Variants in SYN3 observed in about 807,000 individuals in gnomAD.
The protein encoded by SYN3 is synapsin III, also known as synapsin-3.
SYN3 carries 35 observed loss-of-function variants against 65.8 expected under a neutral mutation model. That is an observed-to-expected ratio of 0.53 (90% CI 0.41 to 0.70). SYN3 has a LOEUF of 0.70. Ranked by LOEUF, SYN3 falls within the 30% of genes least tolerant of loss-of-function variation. The probability of loss-of-function intolerance (pLI) is 0.00; values close to 1 mark genes in which losing one functional copy is unlikely to be tolerated. For missense variants in SYN3, 680 were observed against 749.0 expected (o/e 0.91, Z 1.08); for synonymous variants, 270 against 292.9 (o/e 0.92, Z 0.80).
rs117979692 is a variant in SYN3 at position 32,591,164 on chromosome 22, A to G, written c.774+5510T>C. Among the ~76,000 whole-genome samples the G allele has an allele frequency of 9.4e-3, 1,437 of 152,346 alleles. 39 individuals carry two copies. The East Asian group carries it at 0.11, about 12-fold the overall frequency. ...TCACAACTATTAGGTGGTGTGACCTAGATTCAAATAAACACCCTTAGCCAC... is the reference window on the plus strand; with the variant it reads ...TCACAACTATTAGGTGGTGTGACCTGGATTCAAATAAACACCCTTAGCCAC... On this transcript the variant is annotated intron_variant, in intron 7 of 13. Coordinates refer to ENST00000358763, the MANE Select transcript of SYN3 (RefSeq NM_003490.4).
rs144661797 is a variant in SYN3 at position 32,824,159 on chromosome 22, T to G, written c.711+40756A>C. Reference sequence around the variant, plus strand: ...CAGGTGTGGTGGCGCACATCTGAAGTCCCAGCTACTTGGGAGGCTGAGGCA... The same window carrying G: ...CAGGTGTGGTGGCGCACATCTGAAGGCCCAGCTACTTGGGAGGCTGAGGCA... On this transcript the variant is annotated intron_variant, in intron 6 of 13. Coordinates refer to ENST00000358763, the MANE Select transcript of SYN3 (RefSeq NM_003490.4). Among the ~76,000 whole-genome samples, 207 of 151,292 alleles carry G rather than the reference T, an allele frequency of 1.4e-3. No homozygotes were observed. In the Middle Eastern group the frequency reaches 0.021, roughly 15 times the overall value.
At chr22:33,024,561 T>C (rs1445773596) in intron 1 of SYN3, among the ~76,000 whole-genome samples, 2 of 152,236 alleles carry the variant, frequency 1.3e-5, no homozygotes, top group Non-Finnish European at 2.9e-5. Flanking sequence ...CAATCTTTGA[T>C]CTCACCCTTA....
chr22:32,938,532 A>G (rs2050841509), intron 3 of SYN3, among the ~76,000 whole-genome samples: 1 of 141,406 alleles, frequency 7.1e-6, no homozygotes, highest in Non-Finnish European at 1.5e-5. Flanking sequence ...TCTGTCTCAG[A>G]AAAAAAAAAA....
At chr22:32,831,621 G>A (rs576783642) in intron 6 of SYN3, among the ~76,000 whole-genome samples, 4 of 152,188 alleles carry the variant, frequency 2.6e-5, no homozygotes, top group South Asian at 2.1e-4. Flanking sequence ...TTATCTTCTC[G>A]GCATTCTTTA....
At position 32,821,995 on chromosome 22, in the gene SYN3, A is replaced by G. The variant is rs532053616; in HGVS notation, c.711+42920T>C. ...ACATGGAGAAACCCCATCTCTACTA[A>G]AAATACAAAATTAGCCGGGCGTGGT... On this transcript the variant is annotated intron_variant, in intron 6 of 13. Coordinates refer to ENST00000358763, the MANE Select transcript of SYN3 (RefSeq NM_003490.4). Among the ~76,000 whole-genome samples the G allele has an allele frequency of 3.9e-5, 6 of 152,152 alleles. No homozygotes were observed. The East Asian group carries it at 1.2e-3, about 29-fold the overall frequency.
At chr22:32,697,844 C>T (rs1177083165) in intron 6 of SYN3, among the ~76,000 whole-genome samples, 2 of 152,324 alleles carry the variant, frequency 1.3e-5, no homozygotes, top group Non-Finnish European at 1.5e-5. Flanking sequence ...CAAATACAGA[C>T]TTGAACAAGC....
intron 6 of SYN3, among the ~76,000 whole-genome samples, chr22:32,649,620 C>T (rs1020719157): frequency 6.6e-6 from 1 of 152,140 alleles, no homozygotes; most frequent in Non-Finnish European, 1.5e-5. Flanking sequence ...CGGAACACAA[C>T]AAAACTAGCT....
At chr22:33,024,679 G>T (rs1172560984) in intron 1 of SYN3, among the ~76,000 whole-genome samples, 1 of 152,094 alleles carries the variant, frequency 6.6e-6, no homozygotes, top group Non-Finnish European at 1.5e-5. Flanking sequence ...GGTTTGTCCT[G>T]GAATACAATA....
intron 6 of SYN3, among the ~76,000 whole-genome samples, chr22:32,833,459 C>A (rs1310692447): frequency 1.3e-5 from 2 of 152,150 alleles, no homozygotes; most frequent in Non-Finnish European, 2.9e-5. Context: ...ATGGAACAGG[C>A]TGACCTAGGT....
At chr22:32,687,459 G>A (rs1429072389) in intron 6 of SYN3, among the ~76,000 whole-genome samples, 3 of 151,770 alleles carry the variant, frequency 2.0e-5, no homozygotes, top group Non-Finnish European at 2.9e-5. Flanking sequence ...CACCACGCCC[G>A]GCCGGTCTCC....
At chr22:32,807,020 A>G (rs2046759945) in intron 6 of SYN3, among the ~76,000 whole-genome samples, 1 of 151,654 alleles carries the variant, frequency 6.6e-6, no homozygotes, top group African/African-American at 2.4e-5. Context: ...CCATTCAACA[A>G]TGCGTACTAG....
chr22:32,626,020 A>C (rs1601788233), intron 6 of SYN3, among the ~76,000 whole-genome samples: 1 of 152,154 alleles, frequency 6.6e-6, no homozygotes, highest in East Asian at 1.9e-4. Flanking sequence ...TTAAGGAAGG[A>C]GGAATCAGGA....
chr22:32,680,632 T>G (rs2060510377), intron 6 of SYN3, among the ~76,000 whole-genome samples: 1 of 152,234 alleles, frequency 6.6e-6, no homozygotes, highest in Non-Finnish European at 1.5e-5. Context: ...AAGGCAATCC[T>G]GTGTACTCAA....
chr22:33,007,609 G>A (rs1286551686), intron 1 of SYN3, among the ~76,000 whole-genome samples: 1 of 152,164 alleles, frequency 6.6e-6, no homozygotes, highest in Non-Finnish European at 1.5e-5. Context: ...TGCTTTCCCT[G>A]CACTGTGTGA....
In SYN3 at chr22:32,652,177, C is replaced by A. The variant is rs563686795; in HGVS notation, c.712-55441G>T. ...TAATTAAATTGGGTCTATCAACAAC[C>A]AACTTCTGCCATCTCCTCCCCGCTA... On this transcript the variant is annotated intron_variant, in intron 6 of 13. Coordinates refer to ENST00000358763, the MANE Select transcript of SYN3 (RefSeq NM_003490.4). 3.9e-5 allele frequency among the ~76,000 whole-genome samples: 6 copies of A among 152,220 alleles called. No homozygotes were observed. The East Asian group carries it at 1.2e-3, about 29-fold the overall frequency.
At chr22:32,573,048 A>G (rs150671745) in intron 7 of SYN3, among the ~76,000 whole-genome samples, 60 of 152,290 alleles carry the variant, frequency 3.9e-4, no homozygotes, top group African/African-American at 1.4e-3. Flanking sequence ...TTATTAGATC[A>G]TTGTTAGGTT....
intron 3 of SYN3, among the ~76,000 whole-genome samples, chr22:32,962,149 T>G (rs1010487087): frequency 2.3e-4 from 30 of 128,296 alleles, no homozygotes; most frequent in African/African-American, 9.7e-4. Flanking sequence ...TTTTTTTTTT[T>G]TTTTTGAGAC....
At chr22:32,531,178 A>AAAAAAGG (rs2058065393) in intron 10 of SYN3, among the ~76,000 whole-genome samples, 1 of 138,744 alleles carries the variant, frequency 7.2e-6, no homozygotes, top group Admixed American at 7.7e-5. Flanking sequence ...AAAAAAAAAA[A>AAAAAAGG]GAATGTGAGT....
chr22:32,811,521 C>T (rs1043110822), intron 6 of SYN3, among the ~76,000 whole-genome samples: 1 of 152,124 alleles, frequency 6.6e-6, no homozygotes, highest in Non-Finnish European at 1.5e-5. Context: ...GGTTTGATCC[C>T]CCCGCCTCCA....
Sources: allele counts gnomAD v4.1 joint callset (sites outside exome capture counted in the v4.1 genomes callset), GRCh38; gene constraint gnomAD v4.1.1; transcripts MANE v1.5; gene names NCBI Gene and HGNC (gene_info 2026-07-23, HGNC 2026-07-21).